Variants in DMRT1 observed in about 807,000 individuals in gnomAD.
DMRT1 encodes the protein doublesex- and mab-3-related transcription factor 1.
DMRT1 carries 7 observed loss-of-function variants against 32.3 expected under a neutral mutation model. The observed-to-expected ratio is 0.22, with a 90% CI of 0.12 to 0.41. The LOEUF (loss-of-function observed/expected upper bound fraction) is 0.41. Ranked by LOEUF, DMRT1 falls within the 10% of genes least tolerant of loss-of-function variation. The probability of loss-of-function intolerance (pLI) is 1.00; values close to 1 mark genes in which losing one functional copy is unlikely to be tolerated. For synonymous variants in DMRT1, 278 were observed against 206.1 expected, an observed-to-expected ratio of 1.35 and a Z score of -2.99; for missense variants, 625 against 500.5, an observed-to-expected ratio of 1.25 and a Z score of -2.37.
rs1185039334 is a variant in DMRT1, at chr9:852,304, GAT to G, written c.538+5163_538+5164del. ...TTTTGGAGTATTCAGAAAAAAAAAA[GAT>G]AAATGATTTTGACTCTACATGACAA... On this transcript the variant is annotated intron_variant, in intron 2 of 4. Transcript: ENST00000382276. 4.9e-5 allele frequency among the ~76,000 whole-genome samples: 7 copies of G among 143,224 alleles called. No homozygotes were observed. In the East Asian group the frequency reaches 1.4e-3, roughly 28 times the overall value. The allele number at this position is 143,224 out of a possible 152,430, so 94.0% of individuals were successfully genotyped here.
At chr9:859,658 A>G (rs907359518) in intron 2 of DMRT1, among the ~76,000 whole-genome samples, 11 of 152,318 alleles carry the variant, frequency 7.2e-5, no homozygotes, top group Middle Eastern at 6.8e-3. Context: ...TACACTTCAA[A>G]CCAAGTTTAT....
chr9:908,200 C>T (rs1817846593), intron 3 of DMRT1, among the ~76,000 whole-genome samples: 1 of 152,046 alleles, frequency 6.6e-6, no homozygotes, highest in African/African-American at 2.4e-5. Context: ...TGCCTGTAAT[C>T]CTAGCTCTTG....
chr9:862,768 G>C (rs906213682), intron 2 of DMRT1, among the ~76,000 whole-genome samples: 1 of 147,834 alleles, frequency 6.8e-6, no homozygotes, highest in East Asian at 1.9e-4. Context: ...TCCCTTCTGA[G>C]AGTGGCTGCT....
intron 3 of DMRT1, among the ~76,000 whole-genome samples, chr9:915,567 A>T (rs1818147831): frequency 6.6e-6 from 1 of 152,052 alleles, no homozygotes; most frequent in Non-Finnish European, 1.5e-5. Context: ...GTGTCCAGTT[A>T]GCAGAAGCCA....
At chr9:921,249 C>A (rs187072061) in intron 4 of DMRT1, among the ~76,000 whole-genome samples, 116 of 152,250 alleles carry the variant, frequency 7.6e-4, no homozygotes, top group African/African-American at 2.7e-3. Context: ...TAATATGTAG[C>A]CTTTTGTGTC....
At chr9:891,442 C>A (rs1275425595) in intron 2 of DMRT1, among the ~76,000 whole-genome samples, 1 of 146,390 alleles carries the variant, frequency 6.8e-6, no homozygotes, top group African/African-American at 2.5e-5. Context: ...CAGAGTGAGA[C>A]CCTGTCTCAA....
At chr9:955,007 G>C (rs1352879453) in intron 4 of DMRT1, among the ~76,000 whole-genome samples, 4 of 152,210 alleles carry the variant, frequency 2.6e-5, no homozygotes. Flanking sequence ...TATACATTGT[G>C]AAGTCATTTG....
intron 2 of DMRT1, among the ~76,000 whole-genome samples, chr9:847,886 C>T (rs1838972930): frequency 6.6e-6 from 1 of 152,174 alleles, no homozygotes; most frequent in Non-Finnish European, 1.5e-5. Flanking sequence ...TTCTTCATTA[C>T]ACTAGCCACA....
rs575587305 is a variant in DMRT1 at position 850,338 on chromosome 9, A to G, written c.538+3195A>G. On this transcript the variant is annotated intron_variant, in intron 2 of 4. Coordinates refer to ENST00000382276, the MANE Select transcript of DMRT1 (RefSeq NM_021951.3). ...TGGGAGAGTGGGGGAGAGCCAAAAA[A>G]ACAAACACACTGTGGAGAGTCCTGA... Among the ~76,000 whole-genome samples the G allele has an allele frequency of 2.6e-4, 40 of 152,314 alleles. No individual in the cohort carries two copies. In the Middle Eastern group the frequency reaches 0.014, roughly 52 times the overall value.
chr9:961,935 A>T (rs1819786794), intron 4 of DMRT1, among the ~76,000 whole-genome samples: 2 of 152,210 alleles, frequency 1.3e-5, no homozygotes, highest in African/African-American at 4.8e-5. Context: ...GGATGCTTAA[A>T]CAATGTCCCA....
chr9:919,655 T>C (rs960333528), intron 4 of DMRT1, among the ~76,000 whole-genome samples: 2 of 152,008 alleles, frequency 1.3e-5, no homozygotes, highest in African/African-American at 4.8e-5. Flanking sequence ...AAGCACAGGG[T>C]GATTTGTCTG....
intron 2 of DMRT1, among the ~76,000 whole-genome samples, chr9:876,877 TC>T (rs1816524041): frequency 6.6e-6 from 1 of 150,376 alleles, no homozygotes; most frequent in African/African-American, 2.5e-5. Context: ...GGCTCCCTTT[TC>T]CCCTTCTGAC....
chr9:901,155 CA>C (rs1284942682), intron 3 of DMRT1, among the ~76,000 whole-genome samples: 3 of 152,138 alleles, frequency 2.0e-5, no homozygotes, highest in African/African-American at 7.2e-5. Flanking sequence ...GCTGAGGCTA[CA>C]GGCATGTACC....
At chr9:930,474 CGA>C (rs1163395831) in intron 4 of DMRT1, among the ~76,000 whole-genome samples, 1 of 151,590 alleles carries the variant, frequency 6.6e-6, no homozygotes, top group Non-Finnish European at 1.5e-5. Flanking sequence ...TGCAGTGGTG[CGA>C]TCTCGGCTCA....
chr9:852,626 A>G (rs1208467254), intron 2 of DMRT1, among the ~76,000 whole-genome samples: 1 of 152,216 alleles, frequency 6.6e-6, no homozygotes, highest in Non-Finnish European at 1.5e-5. Context: ...TGCATTGTAG[A>G]TAATTCAGTT....
intron 3 of DMRT1, among the ~76,000 whole-genome samples, chr9:898,170 C>T (rs112072219): frequency 0.012 from 1,847 of 149,624 alleles, 34 homozygotes; most frequent in African/African-American, 0.043. Context: ...TTCAGGCTGG[C>T]GTGCAGTGGC....
At chr9:894,240 C>T (rs371938081) in intron 3 of DMRT1, 45 bp downstream of exon 3, 3 of 1,598,912 alleles carry the variant, frequency 1.9e-6, no homozygotes, top group East Asian at 4.5e-5. Flanking sequence ...GTGTGAAAGC[C>T]ACATGCATGT....
chr9:909,905 A>C (rs573378090), intron 3 of DMRT1, among the ~76,000 whole-genome samples: 2 of 152,180 alleles, frequency 1.3e-5, no homozygotes, highest in African/African-American at 2.4e-5. Context: ...GTAGAGATGG[A>C]GTCTCACCAT....
chr9:875,820 C>T (rs559660950), intron 2 of DMRT1, among the ~76,000 whole-genome samples: 1 of 152,088 alleles, frequency 6.6e-6, no homozygotes, highest in Non-Finnish European at 1.5e-5. Flanking sequence ...AGTGTATGTA[C>T]ACACACATAT....
Sources: gnomAD v4.1 joint callset for allele counts (sites outside exome capture counted in the v4.1 genomes callset) on GRCh38, gnomAD v4.1.1 for gene constraint, MANE v1.5 for transcripts, NCBI Gene and HGNC (gene_info 2026-07-23, HGNC 2026-07-21) for gene names.